Variants in SH3YL1 observed in about 807,000 individuals in gnomAD.
SH3YL1 encodes SH3 domain-containing YSC84-like protein 1.
SH3YL1 carries 41 observed loss-of-function variants against 45.8 expected under a neutral mutation model. The observed-to-expected ratio is 0.89, with a 90% CI of 0.70 to 1.16. The LOEUF (loss-of-function observed/expected upper bound fraction) is 1.16, where lower values mean the gene tolerates loss of function less well. Ranked by LOEUF, SH3YL1 falls within the 50% of genes most tolerant of loss-of-function variation. The probability of loss-of-function intolerance (pLI) is 0.00; values close to 1 mark genes in which losing one functional copy is unlikely to be tolerated. For missense variants in SH3YL1, 389 were observed against 409.6 expected (o/e 0.95, Z 0.43); for synonymous variants, 152 against 151.4 (o/e 1.00, Z -0.03).
chr2:259,401 A>T (rs1669494552), intron 1 of SH3YL1: 1 of 152,186 alleles, frequency 6.6e-6, no homozygotes, highest in Non-Finnish European at 1.5e-5. Flanking sequence ...AATATGAGTT[A>T]AAAACATTGA....
chr2:263,692 C>T (rs1669705381), intron 1 of SH3YL1: 1 of 390,360 alleles, frequency 2.6e-6, no homozygotes. Flanking sequence ...GCTGACACCT[C>T]GCCGTTCAAA....
chr2:237,103 A>G (rs1442736489), intron 4 of SH3YL1, among the ~76,000 whole-genome samples: 1 of 146,234 alleles, frequency 6.8e-6, no homozygotes, highest in Non-Finnish European at 1.5e-5. Context: ...ATGTATTTTT[A>G]GATAACAAAT....
chr2:224,165 T>C (rs1667697253), intron 9 of SH3YL1, among the ~76,000 whole-genome samples: 2 of 152,194 alleles, frequency 1.3e-5, no homozygotes, highest in South Asian at 4.1e-4. Flanking sequence ...TATTTTATGA[T>C]TGTTTAACTT....
intron 8 of SH3YL1, among the ~76,000 whole-genome samples, chr2:227,596 T>C (rs907618012): frequency 2.0e-5 from 3 of 152,074 alleles, no homozygotes; most frequent in South Asian, 2.1e-4. Context: ...AAAGAAGATA[T>C]AGTAAAGCAC....
intron 9 of SH3YL1, among the ~76,000 whole-genome samples, chr2:220,575 C>T (rs962797766): frequency 1.3e-5 from 2 of 152,194 alleles, no homozygotes; most frequent in African/African-American, 4.8e-5. Context: ...AAATTCTACA[C>T]GTTAATGAGC....
At chr2:258,605 G>C (rs1669457513) in intron 1 of SH3YL1, among the ~76,000 whole-genome samples, 1 of 152,188 alleles carries the variant, frequency 6.6e-6, no homozygotes, top group Non-Finnish European at 1.5e-5. Flanking sequence ...CAGGCAGTGA[G>C]TTACTTGTAG....
At chr2:225,037 T>C (rs771725093) in intron 8 of SH3YL1, 117 bp from the exon 9 acceptor site, 20 of 766,824 alleles carry the variant, frequency 2.6e-5, no homozygotes, top group Admixed American at 1.0e-4. Flanking sequence ...ACTAAGTTGA[T>C]AGGATCATCA....
intron 6 of SH3YL1, 33 bp downstream of exon 6, chr2:233,068 C>A (rs770037030): frequency 6.6e-7 from 1 of 1,515,716 alleles, no homozygotes; most frequent in Non-Finnish European, 8.9e-7. Flanking sequence ...TCTCATCACA[C>A]TTTCAATTAA....
At chr2:219,339 C>T (rs994321039) in intron 9 of SH3YL1, among the ~76,000 whole-genome samples, 6 of 152,094 alleles carry the variant, frequency 3.9e-5, no homozygotes, top group Admixed American at 2.0e-4. Flanking sequence ...AAATCCTCAA[C>T]CCCAAGGTGA....
chr2:241,793 A>T (rs1668557732), intron 4 of SH3YL1: 1 of 152,138 alleles, frequency 6.6e-6, no homozygotes, highest in South Asian at 2.1e-4. Context: ...AATCAGCAAA[A>T]GTATATTTCA....
chr2:221,702 C>T (rs1000939049), intron 9 of SH3YL1, among the ~76,000 whole-genome samples: 4 of 152,118 alleles, frequency 2.6e-5, no homozygotes, highest in Admixed American at 1.3e-4. Flanking sequence ...AATTCCTCAC[C>T]CAATTGACCA....
intron 4 of SH3YL1, among the ~76,000 whole-genome samples, chr2:238,323 G>A (rs1558241708): frequency 6.7e-6 from 1 of 149,338 alleles, no homozygotes. Flanking sequence ...GTCTCAATAT[G>A]TAAACCAAGC....
chr2:238,001 C>T (rs1300047241), intron 4 of SH3YL1, among the ~76,000 whole-genome samples: 1 of 152,148 alleles, frequency 6.6e-6, no homozygotes, highest in African/African-American at 2.4e-5. Flanking sequence ...GGTACCACCC[C>T]ATCTCCCTCT....
chr2:249,621 T>A (rs1307676044), intron 3 of SH3YL1, 110 bp downstream of exon 3: 1 of 766,120 alleles, frequency 1.3e-6, no homozygotes, highest in African/African-American at 1.8e-5. Flanking sequence ...TACATAAGTT[T>A]TAGTTGATAT....
chr2:226,861 T>C (rs777323409), intron 8 of SH3YL1, among the ~76,000 whole-genome samples: 1 of 151,666 alleles, frequency 6.6e-6, no homozygotes, highest in Non-Finnish European at 1.5e-5. Flanking sequence ...TGGTCGGTAG[T>C]ATACACGGTA....
intron 9 of SH3YL1, among the ~76,000 whole-genome samples, chr2:223,201 G>A (rs182831130): frequency 1.6e-3 from 242 of 152,264 alleles, no homozygotes; most frequent in African/African-American, 5.5e-3. Flanking sequence ...AAAGTACGGG[G>A]GTTCGAACTG....
chr2:243,651 G>A (rs755428186), intron 4 of SH3YL1: 51 of 1,389,740 alleles, frequency 3.7e-5, no homozygotes, highest in Non-Finnish European at 4.6e-5. Context: ...TTAAGCAACA[G>A]CCTTGCTTGG....
intron 7 of SH3YL1, 48 bp from the exon 8 acceptor site, chr2:230,092 T>C (rs1667967572): frequency 6.9e-7 from 1 of 1,442,710 alleles, no homozygotes; most frequent in Non-Finnish European, 9.6e-7. Context: ...AATCTTGTTT[T>C]TACTTAGGCA....
intron 2 of SH3YL1, 43 bp from the exon 3 acceptor site, chr2:249,887 A>C (rs1249420586): frequency 7.6e-7 from 1 of 1,323,610 alleles, no homozygotes; most frequent in Non-Finnish European, 1.1e-6. Context: ...ATTTTGATCT[A>C]TGTGCCTGGA....
Sources: allele counts gnomAD v4.1 joint callset (sites outside exome capture counted in the v4.1 genomes callset), GRCh38; gene constraint gnomAD v4.1.1; transcripts MANE v1.5; gene names NCBI Gene and HGNC (gene_info 2026-07-23, HGNC 2026-07-21).